The following SERHL2 variants were observed in gnomAD, a reference collection of about 807,000 sequenced individuals.
SERHL2 encodes serine hydrolase-like protein 2.
A neutral mutation model predicts 25.5 loss-of-function variants in SERHL2; 29 were observed. The observed-to-expected ratio is 1.14, with a 90% CI of 0.85 to 1.55. SERHL2 has a LOEUF of 1.55. SERHL2 is among the 40% of genes most tolerant of loss of function. The pLI, the probability that SERHL2 is intolerant of heterozygous loss-of-function variation, is 0.00. For missense variants in SERHL2, 240 were observed against 252.3 expected (o/e 0.95, Z 0.33); for synonymous variants, 95 against 103.5 (o/e 0.92, Z 0.50).
intron 10 of SERHL2, chr22:42,571,622 C>G (rs377301794): frequency 1.4e-4 from 40 of 276,512 alleles, no homozygotes; most frequent in Admixed American, 5.3e-4. Flanking sequence ...GACGAGGTTT[C>G]GCCATGTTGG....
intron 11 of SERHL2, 39 bp downstream of exon 11, chr22:42,572,568 C>T (rs758420276): frequency 1.1e-4 from 178 of 1,605,984 alleles, no homozygotes; most frequent in Admixed American, 1.5e-4. Flanking sequence ...CAGCCACTGT[C>T]GCCCACTCTG....
At chr22:42,571,627 T>C (rs1332332816) in intron 10 of SERHL2, 3 of 257,442 alleles carry the variant, frequency 1.2e-5, no homozygotes, top group East Asian at 1.3e-4. Flanking sequence ...GGTTTCGCCA[T>C]GTTGGCCAGG....
Position 42,559,104 on chromosome 22 carries a change from C to T in SERHL2, c.533+647C>T, listed in dbSNP as rs1453760186. Among the ~76,000 whole-genome samples, 22 of 96,108 alleles carry T rather than the reference C, an allele frequency of 2.3e-4. 1 individual carries two copies. Among genetic ancestry groups the T allele is most frequent in the Admixed American group, 1.2e-3 (11 of 8,980 alleles). 63.1% of individuals were successfully genotyped at this position (96,108 alleles called of 152,430 possible). ...CCGCTGTAAACATGCAATCGAAACA[C>T]GGGACACAGGCCAGGCGCAGTGGCT... On this transcript the variant is annotated intron_variant, in intron 7 of 11. Coordinates refer to ENST00000327678, the MANE Select transcript of SERHL2 (RefSeq NM_014509.5).
chr22:42,561,065 G>C (rs1207423089), intron 8 of SERHL2, among the ~76,000 whole-genome samples: 2 of 151,982 alleles, frequency 1.3e-5, no homozygotes, highest in East Asian at 1.9e-4. Flanking sequence ...AAGAGTCTGG[G>C]CAGAGGCCTA....
At chr22:42,560,316 C>G (rs766780876) in intron 8 of SERHL2, 51 bp downstream of exon 8, 2 of 1,395,824 alleles carry the variant, frequency 1.4e-6, no homozygotes, top group South Asian at 1.2e-5. Context: ...CTATTCTTAC[C>G]GAGGATGTCA....
At position 42,554,026 on chromosome 22, in the gene SERHL2, T is replaced by G; in HGVS notation, c.6T>G (p.Ser2Arg). ...GCATTCGCGGGACGAGAGCGATGAG[T>G]GAGAACGCCGCACCAGGTCTGACGG... M[S>R]ENAAPGLISE... is the part of the protein sequence containing the mutation. The change falls in exon 1 of 12, where the codon AGT becomes AGG. Residue 2 changes from serine (S) to arginine (R), a missense_variant. Physicochemically the swap from Ser to Arg is moderately radical, Grantham distance 110. Around this residue, in one of 4 missense-constraint regions of SERHL2, gnomAD observed 18 missense variants for 16.0 expected, o/e 1.12. Coordinates refer to ENST00000327678, the MANE Select transcript of SERHL2 (RefSeq NM_014509.5). 3.7e-6 allele frequency: 6 copies of G among 1,613,532 alleles called. No individual in the cohort carries two copies. Among genetic ancestry groups the G allele is most frequent in the Non-Finnish European group, 5.1e-6 (6 of 1,179,790 alleles).
chr22:42,566,188 G>A (rs1923352669), intron 8 of SERHL2, 116 bp from the exon 9 acceptor site: 1 of 1,013,586 alleles, frequency 9.9e-7, no homozygotes, highest in East Asian at 2.5e-5. Context: ...GTCGGGGGCA[G>A]GTGGGAGAAA....
At chr22:42,573,778 G>A (rs544233212) in intron 11 of SERHL2, 158 bp from the exon 12 acceptor site, 18 of 747,812 alleles carry the variant, frequency 2.4e-5, no homozygotes, top group Admixed American at 1.2e-4. Context: ...ATGGACTGTC[G>A]GGGCTCCAAG....
Position 42,567,340 on chromosome 22 carries a change from CTTTTCTTT to C in SERHL2, c.648+1014_648+1021del, listed in dbSNP as rs369321816. Among the ~76,000 whole-genome samples the C allele has an allele frequency of 4.8e-3, 732 of 152,126 alleles. 7 individuals are homozygous for C. Among genetic ancestry groups the C allele is most frequent in the African/African-American group, 0.017 (721 of 41,556 alleles). ...ATGGTGTCAGATAGTGATTCATTTTCTTTTCTTTTTTTCTTTTTTGTGTTTTAAAAGTT... is the reference window on the plus strand; with the variant it reads ...ATGGTGTCAGATAGTGATTCATTTTCTTTTCTTTTTTGTGTTTTAAAAGTT... On this transcript the variant is annotated intron_variant, in intron 9 of 11. Transcript: ENST00000327678.
intron 8 of SERHL2, 51 bp from the exon 9 acceptor site, chr22:42,566,253 T>G (rs1206465124): frequency 6.3e-7 from 1 of 1,591,384 alleles, no homozygotes; most frequent in African/African-American, 1.3e-5. Context: ...GAGCGTCCCC[T>G]GACCCTGATG....
chr22:42,567,750 T>C (rs1372173952), intron 9 of SERHL2, among the ~76,000 whole-genome samples: 2 of 151,576 alleles, frequency 1.3e-5, no homozygotes, highest in Non-Finnish European at 2.9e-5. Context: ...TTATTATTGA[T>C]ACAGAGTCTC....
intron 10 of SERHL2, chr22:42,571,799 T>C (rs1377451279): frequency 6.4e-6 from 1 of 155,358 alleles, no homozygotes; most frequent in African/African-American, 2.4e-5. Context: ...CTTTAAAACA[T>C]CGCGCTAAGT....
intron 1 of SERHL2, 142 bp downstream of exon 1, chr22:42,554,184 C>T: frequency 3.8e-6 from 4 of 1,048,834 alleles, no homozygotes; most frequent in Non-Finnish European, 5.6e-6. Flanking sequence ...AGTCCCGGGG[C>T]ATGAGAGCGC....
intron 7 of SERHL2, among the ~76,000 whole-genome samples, chr22:42,559,855 A>G (rs904985339): frequency 2.6e-5 from 4 of 151,962 alleles, no homozygotes; most frequent in African/African-American, 9.7e-5. Flanking sequence ...TCTGTTCCCC[A>G]GGCTAGAGTG....
At chr22:42,554,141 C>T (rs1921938922) in intron 1 of SERHL2, 99 bp downstream of exon 1, 1 of 1,423,542 alleles carries the variant, frequency 7.0e-7, no homozygotes, top group Non-Finnish European at 9.7e-7. Context: ...CCGACCGCGT[C>T]GCCCTCCTGG....
intron 8 of SERHL2, among the ~76,000 whole-genome samples, chr22:42,563,944 A>G (rs1301584619): frequency 6.7e-6 from 1 of 149,698 alleles, no homozygotes; most frequent in Non-Finnish European, 1.5e-5. Context: ...GTGATGGCGC[A>G]TGCCTGTAAT....
chr22:42,564,192 TTAC>T (rs1169126328), intron 8 of SERHL2, among the ~76,000 whole-genome samples: 1 of 151,778 alleles, frequency 6.6e-6, no homozygotes, highest in Non-Finnish European at 1.5e-5. Flanking sequence ...ATTTAAATAT[TTAC>T]TACATTGGAT....
At chr22:42,556,695 G>A (rs895210492) in intron 6 of SERHL2, 107 bp downstream of exon 6, 33 of 1,077,088 alleles carry the variant, frequency 3.1e-5, no homozygotes, top group Admixed American at 2.1e-4. Flanking sequence ...ACGAGGAGGC[G>A]GCAGAGGGTG....
intron 9 of SERHL2, among the ~76,000 whole-genome samples, chr22:42,570,912 A>G (rs189731820): frequency 1.2e-4 from 18 of 152,120 alleles, no homozygotes; most frequent in Middle Eastern, 3.4e-3. Flanking sequence ...GGAAGAAGGG[A>G]GAACAGACTT....
Sources: allele counts gnomAD v4.1 joint callset (sites outside exome capture counted in the v4.1 genomes callset), GRCh38; gene constraint gnomAD v4.1.1; regional missense constraint gnomAD v4.1.1; transcripts MANE v1.5; gene names NCBI Gene and HGNC (gene_info 2026-07-23, HGNC 2026-07-21).